Variants in SORCS3 observed in about 807,000 individuals in gnomAD.
SORCS3 encodes the protein VPS10 domain-containing receptor SorCS3.
In SORCS3, 57 loss-of-function variants were observed where a neutral mutation model predicts 146.3. The ratio of observed to expected loss-of-function variants is 0.39; its 90% CI spans 0.31 to 0.49. The LOEUF (loss-of-function observed/expected upper bound fraction) is 0.49. SORCS3 is among the 20% of genes least tolerant of loss of function. The probability of loss-of-function intolerance (pLI) is 0.92; values close to 1 mark genes in which losing one functional copy is unlikely to be tolerated. For synonymous variants in SORCS3, 653 were observed against 618.5 expected (o/e 1.06, Z -0.83); for missense variants, 1,341 against 1,575.5 (o/e 0.85, Z 2.52).
intron 16 of SORCS3, among the ~76,000 whole-genome samples, chr10:105,208,521 AG>A (rs2056615756): frequency 6.6e-6 from 1 of 151,724 alleles, no homozygotes; most frequent in African/African-American, 2.4e-5. Context: ...GAGTGAACGC[AG>A]AACTGGGGAG....
At chr10:104,748,259 C>G (rs1394615518) in intron 1 of SORCS3, among the ~76,000 whole-genome samples, 1 of 152,150 alleles carries the variant, frequency 6.6e-6, no homozygotes, top group Non-Finnish European at 1.5e-5. Context: ...GAGTCCCGTT[C>G]AGTTTGTTCT....
intron 16 of SORCS3, among the ~76,000 whole-genome samples, chr10:105,208,681 A>C (rs984863534): frequency 6.6e-6 from 1 of 150,700 alleles, no homozygotes; most frequent in African/African-American, 2.4e-5. Context: ...TCAAGAATGT[A>C]TGCTTTAAGT....
At chr10:105,047,684 G>C (rs970092481) in intron 5 of SORCS3, among the ~76,000 whole-genome samples, 4 of 152,070 alleles carry the variant, frequency 2.6e-5, no homozygotes, top group African/African-American at 7.2e-5. Context: ...TATGATGCCT[G>C]GTTTAGGATG....
At chr10:104,765,712 A>G (rs1043791785) in intron 1 of SORCS3, among the ~76,000 whole-genome samples, 1 of 152,230 alleles carries the variant, frequency 6.6e-6, no homozygotes, top group Non-Finnish European at 1.5e-5. Flanking sequence ...AAAACTCCCA[A>G]AGCTCTCGCA....
intron 1 of SORCS3, among the ~76,000 whole-genome samples, chr10:104,654,834 C>A (rs920221185): frequency 2.0e-5 from 3 of 152,118 alleles, no homozygotes; most frequent in Non-Finnish European, 4.4e-5. Context: ...CTTGAGGAAG[C>A]CTGATGCATT....
At chr10:105,216,350 C>T (rs1387225588) in intron 18 of SORCS3, among the ~76,000 whole-genome samples, 1 of 152,038 alleles carries the variant, frequency 6.6e-6, no homozygotes, top group Non-Finnish European at 1.5e-5. Flanking sequence ...ATAGCAAATA[C>T]TCAAAATAGG....
At chr10:105,150,456 C>T (rs791137) in intron 9 of SORCS3, among the ~76,000 whole-genome samples, 3,908 of 152,190 alleles carry the variant, frequency 0.026, 168 homozygotes, top group African/African-American at 0.089. Context: ...GCTGTACATG[C>T]GCAGTTCTTC....
chr10:104,739,439 A>G (rs1564672380), intron 1 of SORCS3, among the ~76,000 whole-genome samples: 1 of 152,200 alleles, frequency 6.6e-6, no homozygotes, highest in Non-Finnish European at 1.5e-5. Context: ...AAGTCTGACC[A>G]TGTTGCCCAG....
At chr10:105,242,433 CATATATTTAT>C (rs1385284893) in intron 20 of SORCS3, among the ~76,000 whole-genome samples, 3 of 65,874 alleles carry the variant, frequency 4.6e-5, no homozygotes, top group African/African-American at 1.8e-4. Flanking sequence ...TATATTTATA[CATATATTTAT>C]ATATATTTAT....
chr10:104,707,775 C>T (rs866254430), intron 1 of SORCS3, among the ~76,000 whole-genome samples: 40 of 152,192 alleles, frequency 2.6e-4, no homozygotes, highest in Middle Eastern at 3.2e-3. Flanking sequence ...TGCCTATTTC[C>T]GAAACCAGAA....
At chr10:104,774,607 GAT>G (rs2017288654) in intron 1 of SORCS3, among the ~76,000 whole-genome samples, 1 of 152,222 alleles carries the variant, frequency 6.6e-6, no homozygotes, top group African/African-American at 2.4e-5. Context: ...TGACAAGAAA[GAT>G]AGATTTGACC....
At chr10:105,173,305 T>C (rs1057235997) in intron 13 of SORCS3, among the ~76,000 whole-genome samples, 4 of 152,110 alleles carry the variant, frequency 2.6e-5, no homozygotes, top group Non-Finnish European at 5.9e-5. Context: ...AGCGAGACTC[T>C]GTCTCAAAAA....
intron 7 of SORCS3, among the ~76,000 whole-genome samples, chr10:105,118,617 G>A (rs1961844): frequency 2.0e-5 from 3 of 151,870 alleles, no homozygotes; most frequent in Non-Finnish European, 4.4e-5. Flanking sequence ...AGAGACTTGT[G>A]GAATGGCTTT....
intron 5 of SORCS3, among the ~76,000 whole-genome samples, chr10:105,057,203 A>G (rs1183654614): frequency 6.6e-6 from 1 of 152,176 alleles, no homozygotes; most frequent in Non-Finnish European, 1.5e-5. Flanking sequence ...ATGCTTAGTG[A>G]TCAAGTTCTT....
At chr10:105,204,136 G>A (rs2056588941) in intron 16 of SORCS3, among the ~76,000 whole-genome samples, 1 of 152,062 alleles carries the variant, frequency 6.6e-6, no homozygotes, top group Non-Finnish European at 1.5e-5. Flanking sequence ...ACTGGTAGAG[G>A]TACCATGTGG....
intron 1 of SORCS3, among the ~76,000 whole-genome samples, chr10:104,704,903 T>C (rs1211956684): frequency 6.6e-6 from 1 of 152,186 alleles, no homozygotes; most frequent in Admixed American, 6.5e-5. Flanking sequence ...AGCTCTTGCA[T>C]CCTCTTTAAG....
intron 2 of SORCS3, among the ~76,000 whole-genome samples, chr10:104,879,734 G>A (rs1481244322): frequency 6.6e-6 from 1 of 152,152 alleles, no homozygotes; most frequent in Admixed American, 6.5e-5. Flanking sequence ...TTTAGAAAAG[G>A]CATCCTTTCT....
At chr10:105,051,225 C>T (rs1331591269) in intron 5 of SORCS3, among the ~76,000 whole-genome samples, 3 of 152,096 alleles carry the variant, frequency 2.0e-5, no homozygotes, top group Non-Finnish European at 2.9e-5. Flanking sequence ...TTCATTGGTA[C>T]AAATACTTCA....
intron 1 of SORCS3, among the ~76,000 whole-genome samples, chr10:104,694,384 C>T (rs2016149735): frequency 6.6e-6 from 1 of 151,862 alleles, no homozygotes; most frequent in South Asian, 2.1e-4. Flanking sequence ...TACTTTATTT[C>T]TCTCAGTTGC....
Sources: gnomAD v4.1 joint callset for allele counts (sites outside exome capture counted in the v4.1 genomes callset) on GRCh38, gnomAD v4.1.1 for gene constraint, MANE v1.5 for transcripts, NCBI Gene and HGNC (gene_info 2026-07-23, HGNC 2026-07-21) for gene names.